The following PRSS41 variants were observed in gnomAD, a reference collection of about 807,000 sequenced individuals.
PRSS41 encodes the protein serine protease 41.
In PRSS41, 37 loss-of-function variants were observed where a neutral mutation model predicts 28.8. The ratio of observed to expected loss-of-function variants is 1.29; its 90% CI spans 0.99 to 1.69. The LOEUF (loss-of-function observed/expected upper bound fraction) is 1.69, where lower values mean the gene tolerates loss of function less well. Among genes scored for constraint, PRSS41 ranks in the 40% most tolerant of loss-of-function variants. The pLI is 0.00. For synonymous variants in PRSS41, 195 were observed against 163.1 expected, an observed-to-expected ratio of 1.20 and a Z score of -1.49; for missense variants, 431 against 400.7, an observed-to-expected ratio of 1.08 and a Z score of -0.65.
exon 6 of PRSS41, chr16:2,804,960 A>G: frequency 6.3e-7 from 1 of 1,589,552 alleles, no homozygotes; most frequent in Non-Finnish European, 8.6e-7. Flanking sequence ...GGACTGTGGT[A>G]TCAGGTTGGA....
chr16:2,799,543 G>T, exon 4 of PRSS41: 1 of 1,551,648 alleles, frequency 6.4e-7, no homozygotes. Context: ...TGGGTGACCG[G>T]CTGGGGGTTA....
At chr16:2,804,964 G>A in exon 6 of PRSS41, 1 of 1,588,832 alleles carries the variant, frequency 6.3e-7, no homozygotes, top group East Asian at 2.3e-5. Flanking sequence ...TGTGGTATCA[G>A]GTTGGAATCG....
At chr16:2,804,456 T>C in exon 5 of PRSS41, 2 of 1,551,662 alleles carry the variant, frequency 1.3e-6, no homozygotes, top group Non-Finnish European at 1.7e-6. Context: ...CCAGGTGTAA[T>C]TACCTGTTTG....
intron 5 of PRSS41, 81 bp from the exon 6 acceptor site, chr16:2,804,833 C>A: frequency 9.0e-7 from 1 of 1,109,652 alleles, no homozygotes; most frequent in Non-Finnish European, 1.3e-6. Flanking sequence ...TCTGCCTAGC[C>A]CCACAGCCCC....
In PRSS41 at chr16:2,803,276, C is replaced by T. The variant is rs116860877; in HGVS notation, c.542-1113C>T. Among the ~76,000 whole-genome samples the T allele has an allele frequency of 2.0e-4, 30 of 152,002 alleles. No individual in the cohort carries two copies. In the East Asian group the frequency reaches 5.0e-3, roughly 25 times the overall value. On this transcript the variant is annotated intron_variant, in intron 4 of 5. Coordinates refer to ENST00000399677, the Ensembl canonical transcript of PRSS41. Reference sequence around the variant, plus strand: ...TTCTTATTTCCTCATTTTTGTTTAACTGATTGTTTTAGAGTACCATATTGA... The same window carrying T: ...TTCTTATTTCCTCATTTTTGTTTAATTGATTGTTTTAGAGTACCATATTGA...
chr16:2,802,290 C>T (rs1362856657), intron 4 of PRSS41, among the ~76,000 whole-genome samples: 26 of 147,938 alleles, frequency 1.8e-4, no homozygotes, highest in African/African-American at 6.4e-4. Context: ...GATGGGCGGC[C>T]GGGCAGAGAC....
chr16:2,802,558 C>T (rs375171841), intron 4 of PRSS41, among the ~76,000 whole-genome samples: 19 of 152,272 alleles, frequency 1.2e-4, no homozygotes, highest in East Asian at 9.6e-4. Flanking sequence ...TGTAGCGAGC[C>T]GAGATCACGC....
chr16:2,799,063 C>T lies in PRSS41; in HGVS notation c.196C>T (p.Arg66Ter). The change falls in exon 3 of 6, where the codon CGA (arginine) becomes TGA (stop). Residue 66 changes from arginine to a stop codon, truncating the protein, a stop_gained. Transcript: ENST00000399677. LOFTEE classifies it high-confidence loss of function. Reference sequence around the variant, plus strand: ...CAGCCTGCGCCTGAGGAGACGCCACCGATGTGGAGGGAGCCTGCTCAGCCG... The same window carrying T: ...CAGCCTGCGCCTGAGGAGACGCCACTGATGTGGAGGGAGCCTGCTCAGCCG... 6 of 1,533,904 alleles carry T rather than the reference C, an allele frequency of 3.9e-6. No homozygotes were observed. Among genetic ancestry groups the T allele is most frequent in the Non-Finnish European group, 5.2e-6 (6 of 1,145,632 alleles).
rs2068968516 is a variant in PRSS41 at position 2,799,143 on chromosome 16, C to T, written c.257+19C>T. 9 of 1,507,554 alleles carry T rather than the reference C, an allele frequency of 6.0e-6. No individual in the cohort carries two copies. The highest frequency in any genetic ancestry group is 8.0e-6 in the Non-Finnish European group (9 of 1,130,844). 93.4% of individuals were successfully genotyped at this position (1,507,554 alleles called of 1,614,324 possible). ...TCCAAAAGTGAGTCTGGGGGGCGGC[C>T]GGGGCCTCAGACTTGCTAATGGCCT... is the stretch of plus-strand genomic sequence containing the variant. On this transcript the variant is annotated intron_variant, in intron 3 of 5. Transcript: ENST00000399677.
In PRSS41 at chr16:2,804,564, A is replaced by G. The variant is rs1308728941; in HGVS notation, c.699+18A>G. ...CCTGCAAAGTGAGTGCCTCTACCCC[A>G]CCAGGGAATCCCACCCTCTCCAGCT... On this transcript the variant is annotated intron_variant, in intron 5 of 5. Coordinates refer to ENST00000399677, the Ensembl canonical transcript of PRSS41. 1.9e-6 allele frequency: 3 copies of G among 1,548,244 alleles called. No individual in the cohort carries two copies. Among genetic ancestry groups the G allele is most frequent in the African/African-American group, 2.8e-5 (2 of 72,704 alleles).
At chr16:2,802,022 ACC>A (rs1221295581) in intron 4 of PRSS41, among the ~76,000 whole-genome samples, 95 of 132,320 alleles carry the variant, frequency 7.2e-4, no homozygotes, top group Middle Eastern at 4.2e-3. Context: ...CGTGGGGCTG[ACC>A]CCCCCCACCT....
chr16:2,799,624 C>T (rs945830107), intron 4 of PRSS41, 55 bp downstream of exon 4: 12 of 1,512,890 alleles, frequency 7.9e-6, no homozygotes, highest in South Asian at 4.9e-5. Context: ...GAGCATTACC[C>T]TCTACCCCTG....
chr16:2,800,909 T>C (rs537720447), intron 4 of PRSS41, among the ~76,000 whole-genome samples: 1 of 152,360 alleles, frequency 6.6e-6, no homozygotes, highest in South Asian at 2.1e-4. Flanking sequence ...ATATCCTTTT[T>C]CTATGAGCTT....
intron 4 of PRSS41, among the ~76,000 whole-genome samples, chr16:2,800,526 G>C (rs928247867): frequency 2.5e-5 from 3 of 117,986 alleles, no homozygotes; most frequent in South Asian, 2.8e-4. Context: ...CTGGGTGACA[G>C]AGCAAGACTC....
chr16:2,802,741 C>T (rs1028444042), intron 4 of PRSS41, among the ~76,000 whole-genome samples: 2 of 152,238 alleles, frequency 1.3e-5, no homozygotes, highest in African/African-American at 4.8e-5. Flanking sequence ...CATGGCGGCG[C>T]ATGCCTGCAA....
exon 3 of PRSS41, chr16:2,799,058 G>C: frequency 6.5e-7 from 1 of 1,533,672 alleles, no homozygotes; most frequent in African/African-American, 1.4e-5. Flanking sequence ...CTGAGGAGAC[G>C]CCACCGATGT....
rs535714138 is a variant in PRSS41 at position 2,799,657 on chromosome 16, G to A, written c.541+88G>A. ...CTGTTCCCGCTACACAAGCACAGCA[G>A]CCCCCTCCTTGGTCTGGGGCTGCAA... On this transcript the variant is annotated intron_variant, in intron 4 of 5. Transcript: ENST00000399677. The A allele has an allele frequency of 1.2e-5, 17 of 1,389,204 alleles. No homozygotes were observed. The South Asian group carries it at 2.0e-4, about 16-fold the overall frequency. 86.1% of individuals were successfully genotyped at this position (1,389,204 alleles called of 1,614,324 possible).
intron 4 of PRSS41, among the ~76,000 whole-genome samples, chr16:2,804,156 G>T (rs563198385): frequency 6.6e-4 from 101 of 152,348 alleles, no homozygotes; most frequent in African/African-American, 2.2e-3. Context: ...TACAGATAGA[G>T]AAACCGAGTT....
At chr16:2,799,468 A>G in exon 4 of PRSS41, 1 of 1,552,128 alleles carries the variant, frequency 6.4e-7, no homozygotes. Context: ...GTCACCTACA[A>G]TGCGTACATC....
Sources: allele counts gnomAD v4.1 joint callset (sites outside exome capture counted in the v4.1 genomes callset), GRCh38; gene constraint gnomAD v4.1.1; transcripts MANE v1.5; gene names NCBI Gene and HGNC (gene_info 2026-07-23, HGNC 2026-07-21).